Variants in KCNIP4 observed in about 807,000 individuals in gnomAD.
KCNIP4 encodes Kv channel-interacting protein 4.
KCNIP4 carries 12 observed loss-of-function variants against 34.0 expected under a neutral mutation model. The observed-to-expected ratio is 0.35, with a 90% confidence interval of 0.23 to 0.57. The LOEUF (loss-of-function observed/expected upper bound fraction) is 0.57, where lower values mean the gene tolerates loss of function less well. Ranked by LOEUF, KCNIP4 falls within the 20% of genes least tolerant of loss-of-function variation. The probability of loss-of-function intolerance (pLI) is 0.83; values close to 1 mark genes in which losing one functional copy is unlikely to be tolerated. For missense variants in KCNIP4, 238 were observed against 311.7 expected, an observed-to-expected ratio of 0.76 and a Z score of 1.78; for synonymous variants, 124 against 102.2, an observed-to-expected ratio of 1.21 and a Z score of -1.29.
At chr4:21,051,111 G>T (rs1005703686) in intron 1 of KCNIP4, among the ~76,000 whole-genome samples, 1 of 152,360 alleles carries the variant, frequency 6.6e-6, no homozygotes, top group Non-Finnish European at 1.5e-5. Context: ...TTAAGGAGCT[G>T]AGCCCATGTT....
At chr4:21,497,066 T>G (rs1404025011) in intron 1 of KCNIP4, among the ~76,000 whole-genome samples, 1 of 152,210 alleles carries the variant, frequency 6.6e-6, no homozygotes, top group Non-Finnish European at 1.5e-5. Context: ...TTTTTTATAC[T>G]GACAACTGTG....
intron 1 of KCNIP4, among the ~76,000 whole-genome samples, chr4:21,358,361 G>A (rs1718874885): frequency 6.6e-6 from 1 of 151,838 alleles, no homozygotes; most frequent in Admixed American, 6.6e-5. Context: ...AGTGATTCGG[G>A]TCCTGTCTCT....
At chr4:21,070,966 T>C (rs965851213) in intron 1 of KCNIP4, among the ~76,000 whole-genome samples, 1 of 152,058 alleles carries the variant, frequency 6.6e-6, no homozygotes, top group Non-Finnish European at 1.5e-5. Context: ...TGAGCCACCA[T>C]GCCTGGCCTG....
intron 1 of KCNIP4, among the ~76,000 whole-genome samples, chr4:21,261,192 A>G (rs1009688163): frequency 3.9e-5 from 6 of 152,166 alleles, no homozygotes; most frequent in Admixed American, 3.9e-4. Context: ...TGTGTAAAAA[A>G]CCTTCAACAG....
At chr4:21,405,482 G>C in intron 1 of KCNIP4, among the ~76,000 whole-genome samples, 1 of 152,226 alleles carries the variant, frequency 6.6e-6, no homozygotes, top group Non-Finnish European at 1.5e-5. Flanking sequence ...ATTGGAGCCC[G>C]GTATATTTGG....
chr4:21,065,753 TATATATATATATAA>T (rs1433786374), intron 1 of KCNIP4, among the ~76,000 whole-genome samples: 2 of 143,614 alleles, frequency 1.4e-5, no homozygotes, highest in Admixed American at 7.0e-5. Flanking sequence ...TATATATATA[TATATATATATATAA>T]CTCAATTTTA....
chr4:21,100,065 T>A (rs1195118332), intron 1 of KCNIP4, among the ~76,000 whole-genome samples: 6 of 152,208 alleles, frequency 3.9e-5, no homozygotes, highest in African/African-American at 1.4e-4. Context: ...CAGCAAACAT[T>A]GTTGAAGTGA....
chr4:21,326,200 G>A (rs1485979284), intron 1 of KCNIP4, among the ~76,000 whole-genome samples: 3 of 151,562 alleles, frequency 2.0e-5, no homozygotes, highest in Non-Finnish European at 4.4e-5. Flanking sequence ...GAAGTCTCCA[G>A]CTATTACATT....
intron 1 of KCNIP4, among the ~76,000 whole-genome samples, chr4:21,014,384 C>T (rs985859491): frequency 6.6e-6 from 1 of 152,180 alleles, no homozygotes; most frequent in African/African-American, 2.4e-5. Context: ...TCTTCTCCAT[C>T]TCTGGAATCA....
chr4:21,461,492 T>C (rs776281827), intron 1 of KCNIP4, among the ~76,000 whole-genome samples: 3 of 152,060 alleles, frequency 2.0e-5, no homozygotes, highest in Non-Finnish European at 4.4e-5. Flanking sequence ...TATCAGTTCA[T>C]GGCAGATTTA....
intron 1 of KCNIP4, among the ~76,000 whole-genome samples, chr4:21,298,177 A>G (rs757617435): frequency 2.6e-4 from 40 of 152,236 alleles, no homozygotes; most frequent in Non-Finnish European, 3.4e-4. Context: ...CAGGTTCTCA[A>G]CTAAGGTAAG....
At chr4:21,075,622 G>A (rs1041681070) in intron 1 of KCNIP4, among the ~76,000 whole-genome samples, 2 of 152,128 alleles carry the variant, frequency 1.3e-5, no homozygotes, top group Non-Finnish European at 2.9e-5. Context: ...TTTAAGTGGA[G>A]CATTTAGTCC....
chr4:20,994,973 CT>C (rs1214576616), intron 1 of KCNIP4, among the ~76,000 whole-genome samples: 1 of 152,176 alleles, frequency 6.6e-6, no homozygotes, highest in African/African-American at 2.4e-5. Context: ...TTTAAATGTG[CT>C]TGCATCTTAT....
At chr4:21,614,627 A>G (rs1189530620) in intron 1 of KCNIP4, among the ~76,000 whole-genome samples, 1 of 149,254 alleles carries the variant, frequency 6.7e-6, no homozygotes, top group Non-Finnish European at 1.5e-5. Flanking sequence ...TTAAATATAC[A>G]TTATAGCTTA....
At chr4:21,169,614 A>G (rs1236547174) in intron 1 of KCNIP4, among the ~76,000 whole-genome samples, 1 of 144,428 alleles carries the variant, frequency 6.9e-6, no homozygotes, top group African/African-American at 2.6e-5. Context: ...GAAATTCTCT[A>G]TTTGGTTTTG....
At chr4:21,828,059 A>T (rs903740125) in intron 1 of KCNIP4, among the ~76,000 whole-genome samples, 2 of 151,160 alleles carry the variant, frequency 1.3e-5, no homozygotes, top group Non-Finnish European at 3.0e-5. Context: ...CAAATACTTC[A>T]CTTCTTAGAA....
Position 21,304,077 on chromosome 4 carries a change from GAGAGAGAGACAGAGA to G in KCNIP4, c.62-421383_62-421369del, listed in dbSNP as rs1560272613. 1.0e-4 allele frequency: 31 copies of G among 306,828 alleles called. 1 individual carries two copies. In the East Asian group the frequency reaches 4.1e-3, roughly 40 times the overall value. 19.0% of individuals were successfully genotyped at this position (306,828 alleles called of 1,614,324 possible). On this transcript the variant is annotated intron_variant, in intron 1 of 8. Coordinates refer to ENST00000382152, the MANE Select transcript of KCNIP4 (RefSeq NM_025221.6). The stretch of plus-strand genomic sequence containing the variant: ...AGAGAGAGAGAGAGAGACAGAGAGA[GAGAGAGAGACAGAGA>G]GAGAGAGAGAGAGAGACAGAGGAGA...
intron 1 of KCNIP4, among the ~76,000 whole-genome samples, chr4:21,322,377 T>A (rs1228839765): frequency 6.6e-6 from 1 of 152,064 alleles, no homozygotes; most frequent in East Asian, 1.9e-4. Flanking sequence ...GGAGCTGAAG[T>A]GGGCTTGCAA....
chr4:20,870,961 C>T (rs563886260), intron 2 of KCNIP4, among the ~76,000 whole-genome samples: 1 of 152,206 alleles, frequency 6.6e-6, no homozygotes, highest in Non-Finnish European at 1.5e-5. Context: ...CATTCACACA[C>T]CCTGTGCACT....
Sources: gnomAD v4.1 joint callset for allele counts (sites outside exome capture counted in the v4.1 genomes callset) on GRCh38, gnomAD v4.1.1 for gene constraint, MANE v1.5 for transcripts, NCBI Gene and HGNC (gene_info 2026-07-23, HGNC 2026-07-21) for gene names.